The following STK32B variants were observed in gnomAD, a reference collection of about 807,000 sequenced individuals.
STK32B encodes the protein serine/threonine kinase 32B.
A neutral mutation model predicts 52.6 loss-of-function variants in STK32B; 43 were observed. The ratio of observed to expected loss-of-function variants is 0.82; its 90% CI spans 0.64 to 1.05. The LOEUF is 1.05. Ranked by LOEUF, STK32B falls within the 50% of genes least tolerant of loss-of-function variation. The probability of loss-of-function intolerance (pLI) is 0.00; values close to 1 mark genes in which losing one functional copy is unlikely to be tolerated. For synonymous variants in STK32B, 238 were observed against 204.3 expected (o/e 1.17, Z -1.41); for missense variants, 621 against 534.6 (o/e 1.16, Z -1.59).
intron 3 of STK32B, among the ~76,000 whole-genome samples, chr4:5,182,493 G>A (rs774108115): frequency 2.4e-4 from 36 of 151,184 alleles, no homozygotes; most frequent in African/African-American, 5.8e-4. Flanking sequence ...ACAGAGTCTC[G>A]CACTGTTGCC....
chr4:5,025,998 G>C, the STK32B span, among the ~76,000 whole-genome samples: 1 of 152,134 alleles, frequency 6.6e-6, no homozygotes, highest in Non-Finnish European at 1.5e-5. Flanking sequence ...CCTCTCTTAA[G>C]CCGCCTCCCT....
chr4:5,212,994 C>T lies in STK32B; in HGVS notation c.260+44544C>T, dbSNP rs534807234. ...ATTCTCTGCATCCTATGTTCTAAAACTCAGATAAAACCTGATCAGCATGAA... is the reference window on the plus strand; with the variant it reads ...ATTCTCTGCATCCTATGTTCTAAAATTCAGATAAAACCTGATCAGCATGAA... On this transcript the variant is annotated intron_variant, in intron 3 of 11. Coordinates refer to ENST00000282908, the MANE Select transcript of STK32B (RefSeq NM_018401.3). Among the ~76,000 whole-genome samples, 30 of 152,282 alleles carry T rather than the reference C, an allele frequency of 2.0e-4. No individual in the cohort carries two copies. The East Asian group carries it at 5.4e-3, about 27-fold the overall frequency.
At chr4:5,363,268 T>C (rs903437158) in intron 4 of STK32B, among the ~76,000 whole-genome samples, 3 of 152,238 alleles carry the variant, frequency 2.0e-5, no homozygotes, top group African/African-American at 7.2e-5. Flanking sequence ...TAAAGGGTCT[T>C]GCATCATTTA....
At chr4:5,102,723 A>G (rs559081604) in intron 1 of STK32B, among the ~76,000 whole-genome samples, 1 of 150,468 alleles carries the variant, frequency 6.6e-6, no homozygotes, top group South Asian at 2.1e-4. Flanking sequence ...TTTAATTTTT[A>G]GTAGAGATAC....
At position 5,236,598 on chromosome 4, in the gene STK32B, A is replaced by T. The variant is rs1012111344; in HGVS notation, c.260+68148A>T. 3.3e-5 allele frequency among the ~76,000 whole-genome samples: 5 copies of T among 152,228 alleles called. No individual in the cohort carries two copies. The South Asian group carries it at 6.2e-4, about 19-fold the overall frequency. On this transcript the variant is annotated intron_variant, in intron 3 of 11. Transcript: ENST00000282908. Reference sequence around the variant, plus strand: ...TACAGTAGGTCTGAGACGTATATAAAGTACACACAGCACCGTGCCTGGCAC... The same window carrying T: ...TACAGTAGGTCTGAGACGTATATAATGTACACACAGCACCGTGCCTGGCAC...
intron 4 of STK32B, among the ~76,000 whole-genome samples, chr4:5,332,929 T>C (rs951741901): frequency 6.6e-6 from 1 of 152,216 alleles, no homozygotes; most frequent in African/African-American, 2.4e-5. Context: ...AAGTCTTTGC[T>C]ATTGTGAATA....
chr4:5,150,498 T>C (rs1311286752), intron 2 of STK32B, among the ~76,000 whole-genome samples: 1 of 152,214 alleles, frequency 6.6e-6, no homozygotes, highest in Non-Finnish European at 1.5e-5. Flanking sequence ...TAAAAACATA[T>C]TTTTAACAAG....
At position 5,460,145 on chromosome 4, in the gene STK32B, G is replaced by T. The variant is rs1716919607; in HGVS notation, c.826G>T (p.Asp276Tyr). The change falls in exon 9 of 12, where the codon GAC (aspartate) becomes TAC (tyrosine). Residue 276 changes from aspartate (D) to tyrosine (Y), a missense_variant. Asp to Tyr is a radical substitution (Grantham distance 160, BLOSUM62 -3). Coordinates refer to ENST00000282908, the MANE Select transcript of STK32B (RefSeq NM_018401.3). This position sits in a 1 kb window ranked among gnomAD's most constrained non-coding sequence, Gnocchi z 4.8. ...TGAGAGCCGCGTGTCCAGCCTTCAT[G>T]ACATACAGAGCGTGCCCTACTTGGC... ...DPESRVSSLH[D>Y]IQSVPYLADM... is the part of the protein sequence containing the mutation. 6.2e-7 allele frequency: 1 copy of T among 1,614,180 alleles called. No individual in the cohort carries two copies. The highest frequency in any genetic ancestry group is 1.3e-5 in the African/African-American group (1 of 75,036).
rs1267769765 is a variant in STK32B at position 5,051,814 on chromosome 4, A to C, written c.-50A>C. ...TCTCTGCGCGCGTCCCACATCCCGCATCCGGCATCCCAGCGGCCGGGCATG... is the reference window on the plus strand; with the variant it reads ...TCTCTGCGCGCGTCCCACATCCCGCCTCCGGCATCCCAGCGGCCGGGCATG... On this transcript the variant is annotated 5_prime_UTR_variant, in exon 1 of 12. Transcript: ENST00000282908. The C allele has an allele frequency of 2.6e-5, 40 of 1,564,430 alleles. No homozygotes were observed. The highest frequency in any genetic ancestry group is 3.2e-5 in the Non-Finnish European group (37 of 1,155,404).
the STK32B span, among the ~76,000 whole-genome samples, chr4:5,043,326 C>G: frequency 6.6e-6 from 1 of 152,236 alleles, no homozygotes; most frequent in Middle Eastern, 3.4e-3. Context: ...GCTCTACTTG[C>G]AAGAGTTAAG....
chr4:5,285,164 AAT>A (rs1728467805), intron 3 of STK32B, among the ~76,000 whole-genome samples: 1 of 152,146 alleles, frequency 6.6e-6, no homozygotes, highest in African/African-American at 2.4e-5. Context: ...TTACATACAA[AAT>A]ATGTGTTAAT....
At chr4:5,122,381 T>C (rs201863964) in intron 1 of STK32B, among the ~76,000 whole-genome samples, 1 of 151,342 alleles carries the variant, frequency 6.6e-6, no homozygotes, top group Admixed American at 6.6e-5. Flanking sequence ...CACTCATTCA[T>C]TCACTCACTC....
chr4:5,347,959 T>C (rs1261906663), intron 4 of STK32B, among the ~76,000 whole-genome samples: 1 of 152,072 alleles, frequency 6.6e-6, no homozygotes, highest in Middle Eastern at 3.2e-3. Flanking sequence ...TATAGCAGCA[T>C]GATAATGGAA....
chr4:5,401,735 TAGAG>T (rs561367380), intron 5 of STK32B, among the ~76,000 whole-genome samples: 42 of 152,196 alleles, frequency 2.8e-4, no homozygotes, highest in Admixed American at 1.6e-3. Context: ...TTTAAAGACA[TAGAG>T]GGAGGGGGGA....
chr4:5,255,992 G>C (rs963385408), intron 3 of STK32B, among the ~76,000 whole-genome samples: 8 of 152,178 alleles, frequency 5.3e-5, no homozygotes, highest in Non-Finnish European at 1.0e-4. Context: ...GTGTGAAGCT[G>C]ACACATGCCC....
rs183193489 is a variant in STK32B, at chr4:5,418,259, A to G, written c.562+1325A>G. ...TTGCAATGATGTTATTCTGCTCTTC[A>G]TTCTCCTTTTACTTATAATAACTTG... On this transcript the variant is annotated intron_variant, in intron 6 of 11. Transcript: ENST00000282908. 1.6e-3 allele frequency among the ~76,000 whole-genome samples: 237 copies of G among 151,580 alleles called. 2 individuals are homozygous for G. The highest frequency in any genetic ancestry group is 4.8e-3 in the African/African-American group (200 of 41,298).
intron 3 of STK32B, among the ~76,000 whole-genome samples, chr4:5,172,146 G>A (rs1173953898): frequency 1.3e-5 from 2 of 152,184 alleles, no homozygotes; most frequent in African/African-American, 4.8e-5. Flanking sequence ...TGTGATTTTT[G>A]TACATTGATT....
intron 3 of STK32B, among the ~76,000 whole-genome samples, chr4:5,194,196 ATG>A (rs987051352): frequency 6.6e-6 from 1 of 152,208 alleles, no homozygotes; most frequent in African/African-American, 2.4e-5. Context: ...CAGAAAAAAA[ATG>A]TGAGCTTTCT....
rs1737321758 is a variant in STK32B, at chr4:5,401,985, TC to T, written c.472+3745del. Among the ~76,000 whole-genome samples the T allele has an allele frequency of 3.9e-5, 6 of 152,304 alleles. No homozygotes were observed. In the South Asian group the frequency reaches 1.2e-3, roughly 32 times the overall value. On this transcript the variant is annotated intron_variant, in intron 5 of 11. Coordinates refer to ENST00000282908, the MANE Select transcript of STK32B (RefSeq NM_018401.3). ...TGAGGCTCAACTGGCTGTCAGCCGA[TC>T]CCCTCTGGCCTTGGCTGGCTGGCCG...
Sources: gnomAD v4.1 joint callset for allele counts (sites outside exome capture counted in the v4.1 genomes callset) on GRCh38, gnomAD v4.1.1 for gene constraint, Gnocchi (gnomAD v3.1) non-coding constraint, MANE v1.5 for transcripts, NCBI Gene and HGNC (gene_info 2026-07-23, HGNC 2026-07-21) for gene names.